PRH1: variants seen among roughly 807,000 people sequenced by gnomAD.
PRH1 encodes salivary acidic proline-rich phosphoprotein 1/2.
In PRH1, 7 loss-of-function variants were observed where a neutral mutation model predicts 7.9. The observed-to-expected ratio is 0.89, with a 90% confidence interval of 0.50 to 1.67. The LOEUF is 1.67. PRH1 is among the 40% of genes most tolerant of loss of function. PRH1 has a pLI of 0.00. For synonymous variants in PRH1, 45 were observed against 80.8 expected (o/e 0.56, Z 2.38); for missense variants, 109 against 223.6 (o/e 0.49, Z 3.27).
chr12:10,965,043 T>A, intron 2 of PRH1: 1 of 966,206 alleles, frequency 1.0e-6, no homozygotes, highest in Non-Finnish European at 1.6e-6. Context: ...AAATAAAATA[T>A]GCTGAGGCTA....
At chr12:11,119,949 T>C (rs1382901162), downstream of PRH1, among the ~76,000 whole-genome samples, 1 of 152,228 alleles carries the variant, frequency 6.6e-6, no homozygotes, top group East Asian at 1.9e-4. Flanking sequence ...TTAACAAACA[T>C]GGGAGTTTTG....
At chr12:10,894,143 C>T (rs899169766) in intron 2 of PRH1, among the ~76,000 whole-genome samples, 1 of 151,994 alleles carries the variant, frequency 6.6e-6, no homozygotes, top group African/African-American at 2.4e-5. Flanking sequence ...TAACTCTACA[C>T]TAGATGCCAG....
chr12:11,086,169 A>AAATT (rs1944687311), intron 1 of PRH1, among the ~76,000 whole-genome samples: 1 of 121,760 alleles, frequency 8.2e-6, no homozygotes, highest in Non-Finnish European at 1.8e-5. Flanking sequence ...CTAAAATGAA[A>AAATT]AATTAATTTT....
chr12:10,926,596 T>A (rs967797237), intron 2 of PRH1, among the ~76,000 whole-genome samples: 6 of 152,154 alleles, frequency 3.9e-5, no homozygotes, highest in African/African-American at 1.4e-4. Flanking sequence ...TGGGATGTAC[T>A]GGGGGAAGAA....
At chr12:10,962,999 T>C (rs1591734654) in intron 2 of PRH1, among the ~76,000 whole-genome samples, 1 of 152,342 alleles carries the variant, frequency 6.6e-6, no homozygotes, top group East Asian at 1.9e-4. Context: ...CTTGATCTCC[T>C]GACCTCGTGA....
At chr12:10,985,755 T>TG (rs1939583369) in intron 1 of PRH1, among the ~76,000 whole-genome samples, 1 of 152,186 alleles carries the variant, frequency 6.6e-6, no homozygotes, top group Admixed American at 6.5e-5. Context: ...CATATACAGA[T>TG]GCACACACAT....
chr12:11,097,176 T>G (rs1945094700), intron 1 of PRH1: 2 of 208,158 alleles, frequency 9.6e-6, no homozygotes, highest in Admixed American at 6.4e-5. Context: ...AAACATTACT[T>G]ACGAGTTTAT....
chr12:10,903,002 C>T (rs1475482713), intron 2 of PRH1, among the ~76,000 whole-genome samples: 3 of 152,100 alleles, frequency 2.0e-5, no homozygotes, highest in Non-Finnish European at 1.5e-5. Context: ...CAAAACCTCA[C>T]ATAGCAATAT....
intron 1 of PRH1, among the ~76,000 whole-genome samples, chr12:11,137,355 T>C (rs957266319): frequency 1.3e-5 from 2 of 152,196 alleles, no homozygotes; most frequent in Non-Finnish European, 2.9e-5. Context: ...CTGAATCTGG[T>C]GCTTCTAAGG....
At chr12:11,136,236 T>C (rs187403572) in intron 1 of PRH1, among the ~76,000 whole-genome samples, 1 of 152,372 alleles carries the variant, frequency 6.6e-6, no homozygotes, top group Non-Finnish European at 1.5e-5. Context: ...GGTGCATTCC[T>C]ACATGTTCTT....
chr12:11,117,961 A>G (rs979918522), downstream of PRH1, among the ~76,000 whole-genome samples: 4 of 152,236 alleles, frequency 2.6e-5, no homozygotes, highest in African/African-American at 9.6e-5. Context: ...TGAAGCTCCC[A>G]TAAGAAAACA....
intron 1 of PRH1, chr12:10,996,354 A>T (rs1444454479): frequency 6.6e-5 from 10 of 151,576 alleles, no homozygotes; most frequent in African/African-American, 2.4e-4. Flanking sequence ...AGAATTCATG[A>T]TTAAAAAAAA....
In PRH1 at chr12:10,939,019, G is replaced by A. The variant is rs142263768; in HGVS notation, c.-59+34636C>T. The A allele has an allele frequency of 7.0e-3, 11,279 of 1,613,458 alleles. 53 individuals carry two copies. Among genetic ancestry groups the A allele is most frequent in the Non-Finnish European group, 8.8e-3 (10,429 of 1,179,818 alleles). On this transcript the variant is annotated intron_variant, in intron 2 of 3. Transcript: ENST00000539853. ...AAAACACAGACACACACCAGCTTCC[G>A]AATATTAACCAAACCAGGCTAATTC...
intron 1 of PRH1, among the ~76,000 whole-genome samples, chr12:10,995,234 T>C (rs1940159841): frequency 6.6e-6 from 1 of 152,174 alleles, no homozygotes; most frequent in Non-Finnish European, 1.5e-5. Context: ...TCAATACCTA[T>C]TCTATGTGCT....
chr12:10,994,390 G>A (rs555391100), intron 1 of PRH1, among the ~76,000 whole-genome samples: 13 of 152,198 alleles, frequency 8.5e-5, no homozygotes, highest in Non-Finnish European at 1.2e-4. Context: ...TTGCTTCCAT[G>A]GGCTAATGCT....
At chr12:10,903,132 A>T (rs2135812822) in intron 2 of PRH1, among the ~76,000 whole-genome samples, 1 of 152,332 alleles carries the variant, frequency 6.6e-6, no homozygotes, top group Non-Finnish European at 1.5e-5. Flanking sequence ...ATGTAATGTT[A>T]CTGTTAGGCT....
chr12:10,982,354 T>G (rs1939397286), intron 1 of PRH1, among the ~76,000 whole-genome samples: 1 of 152,232 alleles, frequency 6.6e-6, no homozygotes, highest in African/African-American at 2.4e-5. Flanking sequence ...CTGGCCTCTG[T>G]CAAAACCAGA....
At chr12:11,066,330 T>G (rs1281502412) in intron 1 of PRH1, among the ~76,000 whole-genome samples, 1 of 152,182 alleles carries the variant, frequency 6.6e-6, no homozygotes, top group Non-Finnish European at 1.5e-5. Context: ...AAAAGCTAGC[T>G]CATAAAATGT....
chr12:10,959,320 C>A (rs752548076), intron 2 of PRH1, among the ~76,000 whole-genome samples: 12 of 108,056 alleles, frequency 1.1e-4, no homozygotes, highest in Non-Finnish European at 1.9e-4. Flanking sequence ...ATGAAGATGT[C>A]AAATAGTCTA....
Sources: gnomAD v4.1 joint callset for allele counts (sites outside exome capture counted in the v4.1 genomes callset) on GRCh38, gnomAD v4.1.1 for gene constraint, MANE v1.5 for transcripts, NCBI Gene and HGNC (gene_info 2026-07-23, HGNC 2026-07-21) for gene names.